GTF2F2: variants seen among roughly 807,000 people sequenced by gnomAD.
GTF2F2 encodes the protein general transcription factor IIF subunit 2, also known as ATP-dependent helicase GTF2F2.
In GTF2F2, 23 loss-of-function variants were observed where a neutral mutation model predicts 42.2. That is an observed-to-expected ratio of 0.55 (90% CI 0.39 to 0.77). The LOEUF (loss-of-function observed/expected upper bound fraction) is 0.77, where lower values mean the gene tolerates loss of function less well. Among genes scored for constraint, GTF2F2 ranks in the 30% least tolerant of loss-of-function variants. The probability of loss-of-function intolerance (pLI) is 0.00; values close to 1 mark genes in which losing one functional copy is unlikely to be tolerated. For synonymous variants in GTF2F2, 105 were observed against 100.8 expected, an observed-to-expected ratio of 1.04 and a Z score of -0.25; for missense variants, 261 against 287.2, an observed-to-expected ratio of 0.91 and a Z score of 0.66.
chr13:45,206,786 G>A (rs1045984359), intron 4 of GTF2F2: 5 of 152,174 alleles, frequency 3.3e-5, no homozygotes, highest in African/African-American at 4.8e-5. Context: ...TAAGGATAGG[G>A]GAAATTGCCT....
chr13:45,229,522 T>C lies in GTF2F2; in HGVS notation c.386+22017T>C, dbSNP rs1330456738. 2.6e-5 allele frequency among the ~76,000 whole-genome samples: 4 copies of C among 152,228 alleles called. No individual in the cohort carries two copies. In the East Asian group the frequency reaches 7.7e-4, roughly 29 times the overall value. ...ATATTGGTTTGAAATTAGAGGCTTTTTTTGGGGATAGAAGGAGGCTCATGA... is the reference window on the plus strand; with the variant it reads ...ATATTGGTTTGAAATTAGAGGCTTTCTTTGGGGATAGAAGGAGGCTCATGA... On this transcript the variant is annotated intron_variant, in intron 5 of 7. Transcript: ENST00000340473.
intron 2 of GTF2F2, among the ~76,000 whole-genome samples, chr13:45,148,862 T>A (rs1030415086): frequency 6.6e-6 from 1 of 152,320 alleles, no homozygotes; most frequent in African/African-American, 2.4e-5. Context: ...GGAAAGATAC[T>A]GCACCAAGAT....
intron 7 of GTF2F2, among the ~76,000 whole-genome samples, chr13:45,277,190 T>C (rs1877073022): frequency 6.6e-6 from 1 of 152,228 alleles, no homozygotes; most frequent in Non-Finnish European, 1.5e-5. Flanking sequence ...ATTTTCTGTA[T>C]TAGGCCATTC....
chr13:45,208,878 T>G lies in GTF2F2; in HGVS notation c.386+1373T>G, dbSNP rs1873522717. On this transcript the variant is annotated intron_variant, in intron 5 of 7. Transcript: ENST00000340473. ...GGAAAACAGGCAGAAGATGTTTCTT[T>G]CATTGTTTTTAGCTTATAAAACTTA... Among the ~76,000 whole-genome samples the G allele has an allele frequency of 2.0e-5, 3 of 152,218 alleles. No homozygotes were observed. In the South Asian group the frequency reaches 6.2e-4, roughly 31 times the overall value.
chr13:45,181,373 C>T (rs1048107868), intron 4 of GTF2F2, among the ~76,000 whole-genome samples: 1 of 151,988 alleles, frequency 6.6e-6, no homozygotes, highest in African/African-American at 2.4e-5. Context: ...GGAGTCATTG[C>T]TTTTGCTGTA....
At chr13:45,149,935 C>A in intron 3 of GTF2F2, 147 bp downstream of exon 3, 3 of 654,836 alleles carry the variant, frequency 4.6e-6, no homozygotes, top group Non-Finnish European at 6.8e-6. Context: ...AAATGCCACC[C>A]TTGTGTGAAT....
chr13:45,257,818 A>G (rs1876166702), intron 6 of GTF2F2, among the ~76,000 whole-genome samples: 1 of 152,190 alleles, frequency 6.6e-6, no homozygotes, highest in African/African-American at 2.4e-5. Context: ...GTTTTTCAGC[A>G]GAAGAGCGGA....
intron 1 of GTF2F2, among the ~76,000 whole-genome samples, chr13:45,132,333 T>C (rs1566109112): frequency 6.6e-6 from 1 of 152,174 alleles, no homozygotes; most frequent in African/African-American, 2.4e-5. Context: ...GGAAATATTG[T>C]TTCCAAGCTT....
At position 45,270,990 on chromosome 13, in the gene GTF2F2, A is replaced by G. The variant is rs78982567; in HGVS notation, c.630+3614A>G. On this transcript the variant is annotated intron_variant, in intron 7 of 7. Coordinates refer to ENST00000340473, the MANE Select transcript of GTF2F2 (RefSeq NM_004128.3). The stretch of plus-strand genomic sequence containing the variant: ...CAGCATACTTGTATTAAAAAGTGTC[A>G]TTGAAAACTAGTCCCTGATTGGCCG... 6.3e-3 allele frequency among the ~76,000 whole-genome samples: 965 copies of G among 152,272 alleles called. 12 individuals are homozygous for G. The highest frequency in any genetic ancestry group is 0.022 in the African/African-American group (923 of 41,558).
chr13:45,251,272 A>G (rs562959132), intron 5 of GTF2F2, among the ~76,000 whole-genome samples: 2 of 152,198 alleles, frequency 1.3e-5, no homozygotes, highest in African/African-American at 4.8e-5. Context: ...GACACCTTTT[A>G]TACTTAATTC....
chr13:45,243,622 T>G lies in GTF2F2; in HGVS notation c.387-9249T>G, dbSNP rs567392005. Among the ~76,000 whole-genome samples, 325 of 151,902 alleles carry G rather than the reference T, an allele frequency of 2.1e-3. 1 individual carries two copies. Among genetic ancestry groups the G allele is most frequent in the African/African-American group, 7.7e-3 (320 of 41,378 alleles). ...TGCTGTTTAAGTAGTGGTTTTACTG[T>G]TTTTTTTTAAATCCATTTTGTTTTA... is the stretch of plus-strand genomic sequence containing the variant. On this transcript the variant is annotated intron_variant, in intron 5 of 7. Coordinates refer to ENST00000340473, the MANE Select transcript of GTF2F2 (RefSeq NM_004128.3).
chr13:45,268,650 C>G (rs1876665812), intron 7 of GTF2F2, among the ~76,000 whole-genome samples: 1 of 151,814 alleles, frequency 6.6e-6, no homozygotes. Context: ...TGTGTTTCTT[C>G]TGGTTTTAAT....
At chr13:45,193,514 A>T in intron 4 of GTF2F2, 2 of 330,258 alleles carry the variant, frequency 6.1e-6, no homozygotes, top group Non-Finnish European at 1.1e-5. Context: ...CAGCTTAAGG[A>T]CAAATAAATA....
chr13:45,201,003 C>T (rs1402998470), intron 4 of GTF2F2, among the ~76,000 whole-genome samples: 1 of 152,140 alleles, frequency 6.6e-6, no homozygotes, highest in Non-Finnish European at 1.5e-5. Context: ...CTCTTAAAGG[C>T]CTCCACATTC....
intron 1 of GTF2F2, among the ~76,000 whole-genome samples, chr13:45,134,953 CT>C (rs879506133): frequency 4.3e-3 from 608 of 142,556 alleles, no homozygotes; most frequent in Admixed American, 4.7e-3. Flanking sequence ...TATTGTCTAA[CT>C]TTTTTTTTTT....
At chr13:45,239,592 C>T (rs1040772190) in intron 5 of GTF2F2, among the ~76,000 whole-genome samples, 2 of 152,202 alleles carry the variant, frequency 1.3e-5, no homozygotes, top group Admixed American at 6.5e-5. Context: ...TTGTTTCTAA[C>T]AGAAATCTTG....
intron 4 of GTF2F2, among the ~76,000 whole-genome samples, chr13:45,170,315 A>G (rs1031694347): frequency 2.0e-5 from 3 of 152,220 alleles, no homozygotes; most frequent in African/African-American, 7.2e-5. Flanking sequence ...CCCAGCTGAG[A>G]CTGGTTATCT....
At chr13:45,151,572 TTAATG>T in intron 3 of GTF2F2, 110 bp from the exon 4 acceptor site, 1 of 624,148 alleles carries the variant, frequency 1.6e-6, no homozygotes, top group Non-Finnish European at 2.6e-6. Flanking sequence ...AATAAAGTGT[TTAATG>T]AAATGACTGG....
At chr13:45,204,155 TTTAA>T (rs1873325261) in intron 4 of GTF2F2, among the ~76,000 whole-genome samples, 1 of 152,210 alleles carries the variant, frequency 6.6e-6, no homozygotes, top group African/African-American at 2.4e-5. Flanking sequence ...TAAGCTTATT[TTTAA>T]TTGACAAGTA....
Sources: allele counts gnomAD v4.1 joint callset (sites outside exome capture counted in the v4.1 genomes callset), GRCh38; gene constraint gnomAD v4.1.1; transcripts MANE v1.5; gene names NCBI Gene and HGNC (gene_info 2026-07-23, HGNC 2026-07-21).